Variants in TTC39C observed in about 807,000 individuals in gnomAD.
TTC39C encodes the protein tetratricopeptide repeat protein 39C.
A neutral mutation model predicts 76.3 loss-of-function variants in TTC39C; 33 were observed. The observed-to-expected ratio is 0.43, with a 90% confidence interval of 0.33 to 0.58. The LOEUF is 0.58. Ranked by LOEUF, TTC39C falls within the 20% of genes least tolerant of loss-of-function variation. The pLI is 0.04. For synonymous variants in TTC39C, 254 were observed against 260.6 expected (o/e 0.97, Z 0.24); for missense variants, 595 against 701.4 (o/e 0.85, Z 1.71).
intron 1 of TTC39C, among the ~76,000 whole-genome samples, chr18:24,036,356 A>T (rs2083732439): frequency 6.6e-6 from 1 of 152,230 alleles, no homozygotes; most frequent in Non-Finnish European, 1.5e-5. Flanking sequence ...TGAACATGGA[A>T]CATCTTTCCA....
intron 1 of TTC39C, among the ~76,000 whole-genome samples, chr18:24,058,884 C>A (rs2084053023): frequency 6.6e-6 from 1 of 152,082 alleles, no homozygotes; most frequent in South Asian, 2.1e-4. Context: ...ATTTTCAGCA[C>A]TTTTTAATAT....
chr18:24,070,099 T>G lies in TTC39C; in HGVS notation c.460+828T>G, dbSNP rs141704788. Among the ~76,000 whole-genome samples the G allele has an allele frequency of 2.8e-4, 42 of 152,316 alleles. No homozygotes were observed. In the East Asian group the frequency reaches 7.1e-3, roughly 26 times the overall value. ...TTCTTTCTAGCCTATCAGAAGCCGG[T>G]TTTTCCCCCTTTTTCTTGTTTCTCT... On this transcript the variant is annotated intron_variant, in intron 4 of 13. Coordinates refer to ENST00000317571, the MANE Select transcript of TTC39C (RefSeq NM_001135993.2).
rs12965369 is a variant in TTC39C, at chr18:24,029,238, G to A, written c.167+14200G>A. On this transcript the variant is annotated intron_variant, in intron 1 of 13. Transcript: ENST00000317571. ...TTGTCTCAGCCTCCTGAGTAGCTGG[G>A]ATTATAGGCGTGTACCACCACGCGT... is the stretch of plus-strand genomic sequence containing the variant. 5.5e-4 allele frequency among the ~76,000 whole-genome samples: 83 copies of A among 152,262 alleles called. 1 individual carries two copies. Among genetic ancestry groups the A allele is most frequent in the Middle Eastern group, 3.4e-3 (1 of 292 alleles).
In TTC39C at chr18:24,069,227, A is replaced by G. The variant is rs1461031742; in HGVS notation, c.416A>G (p.Gln139Arg). 6.2e-7 allele frequency: 1 copy of G among 1,614,082 alleles called. No individual in the cohort carries two copies. The highest frequency in any genetic ancestry group is 1.7e-5 in the Admixed American group (1 of 60,030). ...AGGCAGATAATCATAGCTGACTGCC[A>G]GGTTTACCTGGCTGTGCTTTCATTT... is the stretch of plus-strand genomic sequence containing the variant. ...LQRQIIIADC[Q>R]VYLAVLSFVK... Residue 139 changes from glutamine to arginine, a missense_variant, in exon 4 of 14, where the codon CAG becomes CGG. Transcript: ENST00000317571.
chr18:24,035,015 T>C (rs1454616860), intron 1 of TTC39C, among the ~76,000 whole-genome samples: 1 of 149,814 alleles, frequency 6.7e-6, no homozygotes, highest in East Asian at 1.9e-4. Flanking sequence ...GATCATATGG[T>C]AATTCCAGTT....
chr18:24,013,102 G>A (rs1258400475), upstream of TTC39C: 1 of 152,154 alleles, frequency 6.6e-6, no homozygotes, highest in African/African-American at 2.4e-5. Flanking sequence ...GCTGATGTTT[G>A]AGACTAACAT....
At chr18:24,118,314 C>A in intron 8 of TTC39C, 82 bp downstream of exon 8, 1 of 1,060,270 alleles carries the variant, frequency 9.4e-7, no homozygotes, top group Non-Finnish European at 1.4e-6. Flanking sequence ...AGAATGATGG[C>A]AAGAGGAAGC....
chr18:24,113,598 AAG>A, intron 6 of TTC39C: 3 of 702,364 alleles, frequency 4.3e-6, no homozygotes, highest in Non-Finnish European at 7.8e-6. Context: ...CAGAGCAAGA[AAG>A]AAATGCATGC....
At chr18:24,070,940 G>GT (rs1319006933) in intron 4 of TTC39C, among the ~76,000 whole-genome samples, 2 of 151,876 alleles carry the variant, frequency 1.3e-5, no homozygotes, top group African/African-American at 4.8e-5. Flanking sequence ...TTTGTTTTTT[G>GT]TTTTTTGAAA....
chr18:24,012,483 C>T (rs78399247), upstream of TTC39C, among the ~76,000 whole-genome samples: 55 of 152,356 alleles, frequency 3.6e-4, no homozygotes, highest in East Asian at 9.6e-3. Context: ...CCCACATCCT[C>T]AGCTGCAGGG....
chr18:24,020,939 A>G (rs184074561), intron 1 of TTC39C, among the ~76,000 whole-genome samples: 1 of 152,220 alleles, frequency 6.6e-6, no homozygotes, highest in Non-Finnish European at 1.5e-5. Context: ...GAAACATGGA[A>G]GCACTTTCTA....
chr18:24,113,724 T>A lies in TTC39C; in HGVS notation c.985-830T>A, dbSNP rs558192432. 10 of 701,702 alleles carry A rather than the reference T, an allele frequency of 1.4e-5. 1 individual carries two copies. Among genetic ancestry groups the A allele is most frequent in the East Asian group, 1.1e-4 (4 of 37,280 alleles). 43.5% of individuals were successfully genotyped at this position (701,702 alleles called of 1,614,324 possible). On this transcript the variant is annotated intron_variant, in intron 6 of 13. Coordinates refer to ENST00000317571, the MANE Select transcript of TTC39C (RefSeq NM_001135993.2). ...ATTAAACTGATGCTTTGAATCCTGA[T>A]CATGCTTTTGAGCTGCTCCTCTTGG...
At chr18:24,120,817 A>G in intron 8 of TTC39C, among the ~76,000 whole-genome samples, 1 of 152,152 alleles carries the variant, frequency 6.6e-6, no homozygotes, top group South Asian at 2.1e-4. Flanking sequence ...GGCTTATTTC[A>G]TTTAGCATAA....
intron 1 of TTC39C, among the ~76,000 whole-genome samples, chr18:24,021,539 CTTTTTTTT>C (rs60505555): frequency 0.024 from 2,905 of 118,864 alleles, 121 homozygotes; most frequent in African/African-American, 0.093. Context: ...TTCTTTCCTT[CTTTTTTTT>C]TTTTTTTTTT....
At chr18:24,014,107 G>C (rs2083415073), upstream of TTC39C, among the ~76,000 whole-genome samples, 1 of 152,230 alleles carries the variant, frequency 6.6e-6, no homozygotes, top group Admixed American at 6.5e-5. Flanking sequence ...GGGAGCTGCG[G>C]GGCAGGTGCC....
intron 1 of TTC39C, 39 bp from the exon 2 acceptor site, chr18:24,064,100 AT>A (rs2084135629): frequency 1.2e-6 from 2 of 1,607,008 alleles, no homozygotes; most frequent in Non-Finnish European, 1.7e-6. Context: ...TACAGTGAAA[AT>A]AATTGTATTT....
rs192719394 is a variant in TTC39C, at chr18:24,100,864, C to T, written c.985-13690C>T. The stretch of plus-strand genomic sequence containing the variant: ...GTCAGGGTTTTCTGAAGCACCAGCC[C>T]AGTCTCACTGATTTGATGGCCTGTT... On this transcript the variant is annotated intron_variant, in intron 6 of 13. Transcript: ENST00000317571. Among the ~76,000 whole-genome samples, 14 of 152,282 alleles carry T rather than the reference C, an allele frequency of 9.2e-5. No homozygotes were observed. In the East Asian group the frequency reaches 2.1e-3, roughly 23 times the overall value.
intron 1 of TTC39C, among the ~76,000 whole-genome samples, chr18:24,021,246 G>A (rs1176442771): frequency 2.6e-5 from 4 of 152,124 alleles, no homozygotes; most frequent in Non-Finnish European, 4.4e-5. Context: ...AGTCAGGTGG[G>A]GTAGGGAAGA....
At chr18:24,075,555 G>A (rs1324789466) in intron 4 of TTC39C, among the ~76,000 whole-genome samples, 1 of 151,878 alleles carries the variant, frequency 6.6e-6, no homozygotes, top group Non-Finnish European at 1.5e-5. Context: ...TTGGTGGCGT[G>A]TGCCTGTAGT....
Sources: gnomAD v4.1 joint callset for allele counts (sites outside exome capture counted in the v4.1 genomes callset) on GRCh38, gnomAD v4.1.1 for gene constraint, MANE v1.5 for transcripts, NCBI Gene and HGNC (gene_info 2026-07-23, HGNC 2026-07-21) for gene names.